The following SLC17A8 variants were observed in gnomAD, a reference collection of about 807,000 sequenced individuals.
SLC17A8 encodes the protein solute carrier family 17 member 8.
A neutral mutation model predicts 58.0 loss-of-function variants in SLC17A8; 31 were observed. The observed-to-expected ratio is 0.53, with a 90% CI of 0.40 to 0.72. SLC17A8 has a LOEUF of 0.72. Ranked by LOEUF, SLC17A8 falls within the 30% of genes least tolerant of loss-of-function variation. The pLI, the probability that SLC17A8 is intolerant of heterozygous loss-of-function variation, is 0.00. For synonymous variants in SLC17A8, 228 were observed against 249.0 expected (o/e 0.92, Z 0.79); for missense variants, 655 against 727.8 (o/e 0.90, Z 1.15).
At chr12:100,389,831 T>TTATTATTATTAC (rs945008926) in intron 2 of SLC17A8, among the ~76,000 whole-genome samples, 1 of 150,310 alleles carries the variant, frequency 6.7e-6, no homozygotes. Context: ...ATTATTATTA[T>TTATTATTATTAC]TACTATTGAG....
intron 1 of SLC17A8, among the ~76,000 whole-genome samples, chr12:100,377,628 A>G (rs992253701): frequency 9.5e-5 from 12 of 126,558 alleles, no homozygotes; most frequent in Non-Finnish European, 1.7e-4. Context: ...TCTCACTGTC[A>G]TGAAGACTGG....
chr12:100,394,790 C>G (rs1023424072), intron 4 of SLC17A8, among the ~76,000 whole-genome samples: 2 of 145,230 alleles, frequency 1.4e-5, no homozygotes, highest in African/African-American at 5.0e-5. Context: ...AACATATATA[C>G]TAGTGTATAT....
chr12:100,374,897 C>T (rs1186265217), intron 1 of SLC17A8, among the ~76,000 whole-genome samples: 3 of 152,120 alleles, frequency 2.0e-5, no homozygotes, highest in African/African-American at 7.2e-5. Flanking sequence ...TGGAGAGCTG[C>T]TGTGAGGGGC....
chr12:100,407,575 T>G (rs574481746), intron 9 of SLC17A8, among the ~76,000 whole-genome samples: 1 of 151,104 alleles, frequency 6.6e-6, no homozygotes, highest in Non-Finnish European at 1.5e-5. Flanking sequence ...TTCATGTTCA[T>G]ATATATATAT....
chr12:100,393,395 C>T lies in SLC17A8; in HGVS notation c.500C>T (p.Thr167Ile). The T allele has an allele frequency of 1.9e-6, 3 of 1,613,766 alleles. No homozygotes were observed. Among genetic ancestry groups the T allele is most frequent in the Non-Finnish European group, 2.5e-6 (3 of 1,179,726 alleles). Residue 167 changes from threonine to isoleucine, a missense_variant, in exon 4 of 12, where the codon ACA (threonine) becomes ATA (isoleucine). Thr to Ile is a moderately conservative substitution (Grantham distance 89). Transcript: ENST00000323346. ...GTCTTTGGAGCTGCCATCTTCTTAA[C>T]ATCGACTCTGAACATGTTTATTCCC... Reference protein sequence around the residue: ...NRVFGAAIFLTSTLNMFIPSA... With the variant: ...NRVFGAAIFLISTLNMFIPSA...
intron 1 of SLC17A8, among the ~76,000 whole-genome samples, chr12:100,375,042 G>A (rs1437074094): frequency 6.6e-6 from 1 of 151,512 alleles, no homozygotes; most frequent in Non-Finnish European, 1.5e-5. Context: ...CCTCTGGAAA[G>A]TCTCGGGATG....
In SLC17A8 at chr12:100,379,304, G is replaced by A. The variant is rs540732431; in HGVS notation, c.102-1397G>A. Among the ~76,000 whole-genome samples, 6 of 152,100 alleles carry A rather than the reference G, an allele frequency of 3.9e-5. No homozygotes were observed. In the East Asian group the frequency reaches 9.7e-4, roughly 25 times the overall value. On this transcript the variant is annotated intron_variant, in intron 1 of 11. Transcript: ENST00000323346. ...ACAAAAATTATCTGGGTGTGGTGGC[G>A]CATGGCTGTAATCCCAGCTACTCAG... is the stretch of plus-strand genomic sequence containing the variant.
intron 9 of SLC17A8, among the ~76,000 whole-genome samples, chr12:100,410,881 G>C (rs547194464): frequency 4.3e-4 from 65 of 152,260 alleles, no homozygotes; most frequent in Middle Eastern, 6.8e-3. Context: ...TTGTTGAGCT[G>C]TGCCCATGTG....
At chr12:100,385,945 C>T (rs141893736) in intron 2 of SLC17A8, among the ~76,000 whole-genome samples, 29 of 152,222 alleles carry the variant, frequency 1.9e-4, no homozygotes, top group Non-Finnish European at 2.6e-4. Context: ...AGCAGATCCT[C>T]GGTGTGCGAC....
At chr12:100,385,489 C>T (rs991589796) in intron 2 of SLC17A8, among the ~76,000 whole-genome samples, 7 of 152,046 alleles carry the variant, frequency 4.6e-5, no homozygotes, top group Non-Finnish European at 7.4e-5. Flanking sequence ...CTGTCCACCC[C>T]GGCCTCCCAA....
chr12:100,389,033 G>A (rs1952695439), intron 2 of SLC17A8, among the ~76,000 whole-genome samples: 1 of 152,158 alleles, frequency 6.6e-6, no homozygotes, highest in Non-Finnish European at 1.5e-5. Context: ...ACAAGCCCAA[G>A]AAAAAGGGAC....
rs551705036 is a variant in SLC17A8 at position 100,419,402 on chromosome 12, C to T, written c.1426-413C>T. On this transcript the variant is annotated intron_variant, in intron 11 of 11. Coordinates refer to ENST00000323346, the MANE Select transcript of SLC17A8 (RefSeq NM_139319.3). Reference sequence around the variant, plus strand: ...ACAAAAAATTAGCCAGGCGTGGTGGCGGGCACCTGTAGTCCCAGCTACTCA... The same window carrying T: ...ACAAAAAATTAGCCAGGCGTGGTGGTGGGCACCTGTAGTCCCAGCTACTCA... Among the ~76,000 whole-genome samples the T allele has an allele frequency of 1.2e-3, 190 of 152,072 alleles. 1 individual carries two copies. Among genetic ancestry groups the T allele is most frequent in the African/African-American group, 4.1e-3 (169 of 41,478 alleles).
At chr12:100,379,591 A>G (rs529976864) in intron 1 of SLC17A8, among the ~76,000 whole-genome samples, 1 of 149,146 alleles carries the variant, frequency 6.7e-6, no homozygotes, top group African/African-American at 2.6e-5. Flanking sequence ...AATTATTTTT[A>G]AAAAGACTTG....
At chr12:100,397,677 T>C (rs780296586) in intron 5 of SLC17A8, among the ~76,000 whole-genome samples, 14 of 152,148 alleles carry the variant, frequency 9.2e-5, no homozygotes, top group Non-Finnish European at 1.6e-4. Context: ...GCATGGTGGC[T>C]CACACCTGTA....
At chr12:100,419,376 T>G (rs1952930536) in intron 11 of SLC17A8, among the ~76,000 whole-genome samples, 1 of 151,932 alleles carries the variant, frequency 6.6e-6, no homozygotes, top group Admixed American at 6.6e-5. Flanking sequence ...CTACTAAAAA[T>G]ACAAAAAATT....
chr12:100,366,615 C>T (rs1366818436), intron 1 of SLC17A8, among the ~76,000 whole-genome samples: 1 of 152,130 alleles, frequency 6.6e-6, no homozygotes, highest in Admixed American at 6.5e-5. Context: ...GACTGCATTT[C>T]CTTCTGTGGT....
At chr12:100,360,815 T>G (rs1952479253) in intron 1 of SLC17A8, among the ~76,000 whole-genome samples, 1 of 152,226 alleles carries the variant, frequency 6.6e-6, no homozygotes, top group Admixed American at 6.5e-5. Context: ...GAGGTCTACT[T>G]GGACTGCAAT....
At chr12:100,394,378 T>C (rs1952737427) in intron 4 of SLC17A8, among the ~76,000 whole-genome samples, 1 of 151,444 alleles carries the variant, frequency 6.6e-6, no homozygotes, top group East Asian at 1.9e-4. Context: ...ATGGGTTTGA[T>C]GTGTTAGTTA....
Position 100,401,823 on chromosome 12 carries a change from G to A in SLC17A8, c.723G>A (p.Leu241=), listed in dbSNP as rs11568545. 349 of 1,614,030 alleles carry A rather than the reference G, an allele frequency of 2.2e-4. 8 individuals carry two copies. The East Asian group carries it at 4.9e-3, about 23-fold the overall frequency. ...AVVAMPLAGV[L]VQYIGWSSVF... ...TTGCCATGCCCCTGGCTGGGGTGTTGGTGCAGTACATTGGATGGTCCTCTG... is the reference window on the plus strand; with the variant it reads ...TTGCCATGCCCCTGGCTGGGGTGTTAGTGCAGTACATTGGATGGTCCTCTG... Residue 241 remains leucine, a synonymous_variant, in exon 6 of 12, where the codon TTG becomes TTA. Transcript: ENST00000323346.
Sources: gnomAD v4.1 joint callset for allele counts (sites outside exome capture counted in the v4.1 genomes callset) on GRCh38, gnomAD v4.1.1 for gene constraint, MANE v1.5 for transcripts, NCBI Gene and HGNC (gene_info 2026-07-23, HGNC 2026-07-21) for gene names.